Variants in TMEM156 observed in about 807,000 individuals in gnomAD.
TMEM156 encodes the protein transmembrane protein 156.
Under a neutral mutation model 30.5 loss-of-function variants are expected in TMEM156, and 28 were observed. The ratio of observed to expected loss-of-function variants is 0.92; its 90% CI spans 0.68 to 1.26. TMEM156 has a LOEUF of 1.26. TMEM156 is among the 50% of genes most tolerant of loss of function. TMEM156 has a pLI of 0.00. For missense variants in TMEM156, 351 were observed against 340.6 expected, an observed-to-expected ratio of 1.03 and a Z score of -0.24; for synonymous variants, 137 against 119.9, an observed-to-expected ratio of 1.14 and a Z score of -0.93.
At chr4:38,977,089 G>A (rs1257774348) in intron 5 of TMEM156, among the ~76,000 whole-genome samples, 1 of 152,040 alleles carries the variant, frequency 6.6e-6, no homozygotes, top group Non-Finnish European at 1.5e-5. Context: ...ATTTTTAGTA[G>A]AGATGGGGTT....
intron 3 of TMEM156, among the ~76,000 whole-genome samples, chr4:38,990,830 G>GTTTTTTTTTTTTGTTTTGTT (rs1560365255): frequency 1.2e-5 from 1 of 81,218 alleles, no homozygotes; most frequent in Non-Finnish European, 2.4e-5. Context: ...TTGTTTTCTG[G>GTTTTTTTTTTTTGTTTTGTT]TTTTTTTTTT....
intron 3 of TMEM156, among the ~76,000 whole-genome samples, chr4:38,989,614 T>C (rs761872537): frequency 1.6e-4 from 25 of 152,080 alleles, no homozygotes; most frequent in Non-Finnish European, 2.8e-4. Flanking sequence ...CAGATGACAA[T>C]GAGGCAACAT....
intron 3 of TMEM156, among the ~76,000 whole-genome samples, chr4:38,990,612 T>C (rs141743912): frequency 9.6e-4 from 146 of 152,214 alleles, no homozygotes; most frequent in African/African-American, 3.3e-3. Context: ...TAGGGTCCTG[T>C]GCTGCCCACC....
In TMEM156 at chr4:38,998,623, C is replaced by G; in HGVS notation, c.358+17G>C. On this transcript the variant is annotated intron_variant, in intron 2 of 6. Transcript: ENST00000381938. ...ATACCTGATACCATTTTATTCTCAC[C>G]TTCACTTTGTGTTTACCTTTTGATG... 6.3e-7 allele frequency: 1 copy of G among 1,597,074 alleles called. No individual in the cohort carries two copies. The highest frequency in any genetic ancestry group is 8.5e-7 in the Non-Finnish European group (1 of 1,171,052).
intron 1 of TMEM156, 151 bp downstream of exon 1, chr4:39,032,075 T>G (rs1175183425): frequency 3.4e-6 from 2 of 583,916 alleles, no homozygotes; most frequent in Admixed American, 3.0e-5. Context: ...AACAGTCAAC[T>G]AAAATTGCAA....
intron 1 of TMEM156, among the ~76,000 whole-genome samples, chr4:39,007,080 A>G (rs527555720): frequency 1.3e-5 from 2 of 152,292 alleles, no homozygotes. Flanking sequence ...ATCTGTAATG[A>G]CACCTCTGTC....
chr4:39,014,372 A>T (rs1714339368), intron 1 of TMEM156, among the ~76,000 whole-genome samples: 2 of 152,328 alleles, frequency 1.3e-5, no homozygotes, highest in South Asian at 4.1e-4. Context: ...GAAGACATTG[A>T]GGGGTTTAAT....
intron 1 of TMEM156, among the ~76,000 whole-genome samples, chr4:39,023,987 C>T (rs188463253): frequency 8.2e-4 from 125 of 152,332 alleles, no homozygotes; most frequent in African/African-American, 2.8e-3. Context: ...CTTGGGGATG[C>T]TGGAGGAGAT....
chr4:39,030,779 A>G (rs756835032), intron 1 of TMEM156, among the ~76,000 whole-genome samples: 2 of 152,134 alleles, frequency 1.3e-5, no homozygotes, highest in African/African-American at 2.4e-5. Flanking sequence ...CCTACTCCGG[A>G]TAACTATTAA....
intron 1 of TMEM156, among the ~76,000 whole-genome samples, chr4:39,000,545 G>A (rs1325785864): frequency 6.6e-6 from 1 of 152,154 alleles, no homozygotes; most frequent in African/African-American, 2.4e-5. Context: ...AAATTGTATA[G>A]TACATATGAA....
At chr4:39,026,372 TA>T (rs201586159) in intron 1 of TMEM156, among the ~76,000 whole-genome samples, 14 of 69,952 alleles carry the variant, frequency 2.0e-4, no homozygotes, top group East Asian at 4.6e-4. Context: ...TTTAAAAAAT[TA>T]AAAAAAAAAG....
chr4:38,984,668 A>G (rs1358158117), intron 5 of TMEM156, among the ~76,000 whole-genome samples: 1 of 152,130 alleles, frequency 6.6e-6, no homozygotes, highest in East Asian at 1.9e-4. Context: ...CAGAAAAGCA[A>G]CTCATAATAG....
chr4:38,969,108 A>G (rs934583307), intron 6 of TMEM156, among the ~76,000 whole-genome samples: 12 of 152,184 alleles, frequency 7.9e-5, no homozygotes, highest in African/African-American at 2.4e-4. Flanking sequence ...AGTACAATAC[A>G]TTTTTGTGTA....
At chr4:38,998,312 T>G (rs1713070000) in intron 2 of TMEM156, 1 of 159,278 alleles carries the variant, frequency 6.3e-6, no homozygotes, top group Non-Finnish European at 1.4e-5. Context: ...TTTGGGAGGC[T>G]GAGGTGAGTG....
intron 5 of TMEM156, among the ~76,000 whole-genome samples, chr4:38,977,743 C>A (rs1020530117): frequency 1.3e-5 from 2 of 152,096 alleles, no homozygotes; most frequent in African/African-American, 4.8e-5. Flanking sequence ...CTTCAAACAG[C>A]CTTAAAAAAA....
intron 6 of TMEM156, among the ~76,000 whole-genome samples, chr4:38,968,293 T>C (rs141482366): frequency 3.3e-4 from 50 of 152,338 alleles, no homozygotes; most frequent in African/African-American, 1.1e-3. Context: ...GACATAGAAA[T>C]TGGGATTTAT....
rs1357542415 is a variant in TMEM156, at chr4:39,029,465, ATT to A, written c.88+2759_88+2760del. Among the ~76,000 whole-genome samples, 8 of 70,712 alleles carry A rather than the reference ATT, an allele frequency of 1.1e-4. 2 individuals carry two copies. In the Admixed American group the frequency reaches 1.2e-3, roughly 11 times the overall value. 46.4% of individuals were successfully genotyped at this position (70,712 alleles called of 152,430 possible). A position where few individuals can be genotyped will look rare whatever the true frequency, so the allele number is the denominator to read the frequency against. ...CAACTATTATTGTGATTAAGAACTAATTTTTTTGGGAGGCCGAGGCGGGCGGA... is the reference window on the plus strand; with the variant it reads ...CAACTATTATTGTGATTAAGAACTAATTTTTGGGAGGCCGAGGCGGGCGGA... On this transcript the variant is annotated intron_variant, in intron 1 of 6. Coordinates refer to ENST00000381938, the MANE Select transcript of TMEM156 (RefSeq NM_024943.3).
chr4:39,016,156 C>T lies in TMEM156; in HGVS notation c.88+16070G>A, dbSNP rs1036305569. 7.2e-5 allele frequency among the ~76,000 whole-genome samples: 11 copies of T among 152,176 alleles called. No homozygotes were observed. The East Asian group carries it at 7.7e-4, about 11-fold the overall frequency. On this transcript the variant is annotated intron_variant, in intron 1 of 6. Coordinates refer to ENST00000381938, the MANE Select transcript of TMEM156 (RefSeq NM_024943.3). ...TTGGGAGGCCAAGGCAGGCAGATCACGAGGTCAGGAGATTAAGATCAGCCT... is the reference window on the plus strand; with the variant it reads ...TTGGGAGGCCAAGGCAGGCAGATCATGAGGTCAGGAGATTAAGATCAGCCT...
At chr4:39,001,421 C>T (rs1342910348) in intron 1 of TMEM156, among the ~76,000 whole-genome samples, 1 of 150,268 alleles carries the variant, frequency 6.7e-6, no homozygotes, top group Non-Finnish European at 1.5e-5. Flanking sequence ...AAGAAAACAA[C>T]TGACATGGTT....
Sources: gnomAD v4.1 joint callset for allele counts (sites outside exome capture counted in the v4.1 genomes callset) on GRCh38, gnomAD v4.1.1 for gene constraint, MANE v1.5 for transcripts, NCBI Gene and HGNC (gene_info 2026-07-23, HGNC 2026-07-21) for gene names.